Variants in TP63 observed in about 807,000 individuals in gnomAD.
The protein encoded by TP63 is tumor protein p63.
A neutral mutation model predicts 82.8 loss-of-function variants in TP63; 17 were observed. The ratio of observed to expected loss-of-function variants is 0.21; its 90% confidence interval spans 0.14 to 0.31. The LOEUF is 0.31. Among genes scored for constraint, TP63 ranks in the 10% least tolerant of loss-of-function variants. TP63 has a pLI of 1.00. For missense variants in TP63, 648 were observed against 895.3 expected (o/e 0.72, Z 3.52); for synonymous variants, 330 against 321.7 (o/e 1.03, Z -0.28).
chr3:189,892,500 A>G (rs1174405048), intron 13 of TP63, among the ~76,000 whole-genome samples: 1 of 152,248 alleles, frequency 6.6e-6, no homozygotes, highest in African/African-American at 2.4e-5. Flanking sequence ...ATAAAAAGCT[A>G]TGCTTATTTA....
intron 4 of TP63, among the ~76,000 whole-genome samples, chr3:189,850,739 TAAAA>T (rs1017674040): frequency 1.3e-5 from 2 of 151,918 alleles, no homozygotes; most frequent in African/African-American, 4.8e-5. Flanking sequence ...ATAATAAAAA[TAAAA>T]AAAATTTTAA....
rs1200324125 is a variant in TP63 at position 189,889,421 on chromosome 3, C to T, written c.1589C>T (p.Ser530Phe). The stretch of plus-strand genomic sequence containing the variant: ...ACCCAGGCACTCCCTCCCCCACTCT[C>T]CATGCCATCCACCTCCCACTGCACA... Reference protein sequence around the residue: ...SPTQALPPPLSMPSTSHCTPP... With the variant: ...SPTQALPPPLFMPSTSHCTPP... Residue 530 changes from serine to phenylalanine, a missense_variant, in exon 12 of 14, where the codon TCC becomes TTC. Transcript: ENST00000264731. The T allele has an allele frequency of 6.2e-7, 1 of 1,614,122 alleles. No individual in the cohort carries two copies. The highest frequency in any genetic ancestry group is 8.5e-7 in the Non-Finnish European group (1 of 1,180,012).
intron 10 of TP63, among the ~76,000 whole-genome samples, chr3:189,882,031 T>A (rs975256628): frequency 6.4e-4 from 91 of 142,410 alleles, no homozygotes; most frequent in Non-Finnish European, 6.9e-4. Flanking sequence ...AAAAAAAAAA[T>A]TAGTATTTTA....
intron 1 of TP63, among the ~76,000 whole-genome samples, chr3:189,729,143 T>C (rs1470282571): frequency 6.6e-6 from 1 of 152,022 alleles, no homozygotes; most frequent in Non-Finnish European, 1.5e-5. Flanking sequence ...AGAGGTTTAG[T>C]GGGATGGGGA....
At chr3:189,825,248 G>A (rs560019296) in intron 4 of TP63, among the ~76,000 whole-genome samples, 2 of 152,184 alleles carry the variant, frequency 1.3e-5, no homozygotes, top group Admixed American at 6.5e-5. Flanking sequence ...ACCTTAAAAT[G>A]TTATTTCCTC....
chr3:189,639,322 G>A (rs1180451562), intron 1 of TP63, among the ~76,000 whole-genome samples: 1 of 152,076 alleles, frequency 6.6e-6, no homozygotes, highest in Non-Finnish European at 1.5e-5. Flanking sequence ...GGTTAGTCAA[G>A]GTTTTGGAAA....
At chr3:189,631,132 G>A, upstream of TP63, 1 of 688,910 alleles carries the variant, frequency 1.5e-6, no homozygotes, top group East Asian at 1.3e-4. Context: ...TGCCATTCAT[G>A]CCAGCATCCA....
intron 10 of TP63, chr3:189,880,053 C>T: frequency 6.8e-6 from 11 of 1,611,656 alleles, no homozygotes; most frequent in Non-Finnish European, 9.3e-6. Flanking sequence ...TTCTCTGGTT[C>T]CTCTCTGCAG....
intron 1 of TP63, among the ~76,000 whole-genome samples, chr3:189,704,758 G>A (rs918860482): frequency 9.9e-5 from 15 of 152,054 alleles, no homozygotes; most frequent in African/African-American, 2.2e-4. Flanking sequence ...TTCACAATTC[G>A]GACACTCTCA....
rs577460634 is a variant in TP63 at position 189,677,740 on chromosome 3, C to T, written c.62+46163C>T. The stretch of plus-strand genomic sequence containing the variant: ...CAGTGTATAAGCATTTCTTTTTCTC[C>T]CCAGCCTCATCAACATCTGTTATTT... On this transcript the variant is annotated intron_variant, in intron 1 of 13. Coordinates refer to ENST00000264731, the MANE Select transcript of TP63 (RefSeq NM_003722.5). Among the ~76,000 whole-genome samples the T allele has an allele frequency of 1.6e-3, 237 of 152,014 alleles. 1 individual carries two copies. Among genetic ancestry groups the T allele is most frequent in the African/African-American group, 5.4e-3 (223 of 41,482 alleles).
At chr3:189,734,829 C>T (rs774343089) in intron 1 of TP63, among the ~76,000 whole-genome samples, 9 of 152,162 alleles carry the variant, frequency 5.9e-5, no homozygotes, top group Non-Finnish European at 1.0e-4. Flanking sequence ...TTGACCTTTT[C>T]CAACCTGCCT....
At chr3:189,882,049 A>AAAGATTTTTT (rs1304241847) in intron 10 of TP63, among the ~76,000 whole-genome samples, 1 of 151,808 alleles carries the variant, frequency 6.6e-6, no homozygotes, top group East Asian at 1.9e-4. Flanking sequence ...TTAGATAAAT[A>AAAGATTTTTT]TTTCAGAAAA....
intron 1 of TP63, among the ~76,000 whole-genome samples, chr3:189,693,650 T>C (rs1231634474): frequency 6.6e-6 from 1 of 152,230 alleles, no homozygotes; most frequent in Admixed American, 6.5e-5. Flanking sequence ...ATGGTAGATA[T>C]TAGGCCTTAT....
At chr3:189,666,577 T>G (rs547256728) in intron 1 of TP63, among the ~76,000 whole-genome samples, 3 of 151,972 alleles carry the variant, frequency 2.0e-5, no homozygotes, top group Non-Finnish European at 2.9e-5. Flanking sequence ...GAGAATGAAA[T>G]AGAGAAGAGA....
At chr3:189,734,028 T>C (rs1463119622) in intron 1 of TP63, among the ~76,000 whole-genome samples, 1 of 152,006 alleles carries the variant, frequency 6.6e-6, no homozygotes. Flanking sequence ...TCTTCCTTTC[T>C]TTCTTTTCTT....
At chr3:189,864,472 G>A (rs1717441767) in intron 5 of TP63, 54 bp downstream of exon 5, 5 of 1,547,940 alleles carry the variant, frequency 3.2e-6, no homozygotes, top group Non-Finnish European at 4.4e-6. Flanking sequence ...TCAAGATTCT[G>A]TGGGCATTTT....
intron 11 of TP63, among the ~76,000 whole-genome samples, chr3:189,887,359 C>T (rs1720559148): frequency 6.6e-6 from 1 of 152,122 alleles, no homozygotes; most frequent in Admixed American, 6.5e-5. Flanking sequence ...GTCTGTTACT[C>T]TATAATCCTG....
At chr3:189,613,339 G>C in the TP63 span, among the ~76,000 whole-genome samples, 1 of 151,606 alleles carries the variant, frequency 6.6e-6, no homozygotes, top group Non-Finnish European at 1.5e-5. Flanking sequence ...TTCAGAGGAT[G>C]GAAGCCCCAA....
the TP63 span, among the ~76,000 whole-genome samples, chr3:189,597,758 A>G: frequency 6.6e-6 from 1 of 152,090 alleles, no homozygotes; most frequent in African/African-American, 2.4e-5. Context: ...AACCCCGTCT[A>G]TACTAAAGAA....
Sources: gnomAD v4.1 joint callset for allele counts (sites outside exome capture counted in the v4.1 genomes callset) on GRCh38, gnomAD v4.1.1 for gene constraint, MANE v1.5 for transcripts, NCBI Gene and HGNC (gene_info 2026-07-23, HGNC 2026-07-21) for gene names.